Variants in RPS6KC1 observed in about 807,000 individuals in gnomAD.
RPS6KC1 encodes the protein inactive ribosomal protein S6 kinase delta-1.
A neutral mutation model predicts 103.8 loss-of-function variants in RPS6KC1; 54 were observed. The ratio of observed to expected loss-of-function variants is 0.52; its 90% CI spans 0.42 to 0.65. The LOEUF is 0.65. Ranked by LOEUF, RPS6KC1 falls within the 30% of genes least tolerant of loss-of-function variation. The pLI, the probability that RPS6KC1 is intolerant of heterozygous loss-of-function variation, is 0.00. For missense variants in RPS6KC1, 1,151 were observed against 1,253.8 expected (o/e 0.92, Z 1.24); for synonymous variants, 439 against 438.7 (o/e 1.00, Z -0.01).
intron 3 of RPS6KC1, 28 bp from the exon 4 acceptor site, chr1:213,104,426 T>TTAC (rs1301984828): frequency 3.6e-6 from 5 of 1,406,268 alleles, no homozygotes; most frequent in Non-Finnish European, 5.0e-6. Flanking sequence ...CATTCTTCCC[T>TTAC]TAAGTGTTGA....
the RPS6KC1 span, among the ~76,000 whole-genome samples, chr1:213,541,321 A>G: frequency 6.6e-6 from 1 of 151,682 alleles, no homozygotes; most frequent in South Asian, 2.1e-4. Context: ...ACAGATCACC[A>G]TAACAGATTT....
chr1:213,789,507 G>GTCCC, the RPS6KC1 span, among the ~76,000 whole-genome samples: 1 of 152,288 alleles, frequency 6.6e-6, no homozygotes, highest in African/African-American at 2.4e-5. Flanking sequence ...CAGGTGATCT[G>GTCCC]TCCTGACACG....
chr1:213,434,440 T>G, the RPS6KC1 span, among the ~76,000 whole-genome samples: 1 of 152,090 alleles, frequency 6.6e-6, no homozygotes, highest in Non-Finnish European at 1.5e-5. Context: ...ATTATTATCT[T>G]TGTTTCTCTT....
At chr1:213,508,501 A>C in the RPS6KC1 span, among the ~76,000 whole-genome samples, 1 of 151,998 alleles carries the variant, frequency 6.6e-6, no homozygotes, top group African/African-American at 2.4e-5. Context: ...GTTGCTTTTG[A>C]AAGTTCTCTG....
At chr1:213,127,336 A>G (rs1207015738) in intron 5 of RPS6KC1, among the ~76,000 whole-genome samples, 1 of 152,212 alleles carries the variant, frequency 6.6e-6, no homozygotes, top group Non-Finnish European at 1.5e-5. Flanking sequence ...GCACATACTT[A>G]TAAAACCAAT....
the RPS6KC1 span, among the ~76,000 whole-genome samples, chr1:213,851,915 C>T: frequency 6.6e-6 from 1 of 152,202 alleles, no homozygotes; most frequent in Non-Finnish European, 1.5e-5. Context: ...TCTTCTCTCT[C>T]CCACAGTCCC....
At chr1:213,745,477 A>G in the RPS6KC1 span, among the ~76,000 whole-genome samples, 43 of 151,630 alleles carry the variant, frequency 2.8e-4, no homozygotes, top group South Asian at 2.9e-3. Flanking sequence ...CAGCTCCTGG[A>G]GTCCCAACTC....
At chr1:213,482,540 GT>G in the RPS6KC1 span, among the ~76,000 whole-genome samples, 88 of 61,192 alleles carry the variant, frequency 1.4e-3, no homozygotes, top group African/African-American at 3.6e-3. Context: ...CTAACTTGAG[GT>G]TTTTTTTTTT....
At chr1:213,279,871 G>T in the RPS6KC1 span, among the ~76,000 whole-genome samples, 2,376 of 152,306 alleles carry the variant, frequency 0.016, 73 homozygotes, top group African/African-American at 0.054. Context: ...AAATGCAAAT[G>T]CTTGTCCTCA....
At chr1:213,454,961 T>G in the RPS6KC1 span, among the ~76,000 whole-genome samples, 1 of 152,200 alleles carries the variant, frequency 6.6e-6, no homozygotes, top group African/African-American at 2.4e-5. Context: ...ACTTGTTTGA[T>G]CTACTTTAGC....
chr1:213,569,023 C>T, the RPS6KC1 span, among the ~76,000 whole-genome samples: 1 of 152,332 alleles, frequency 6.6e-6, no homozygotes, highest in Non-Finnish European at 1.5e-5. Flanking sequence ...CCTCGACCAG[C>T]ACCTAACTCC....
chr1:213,572,470 T>A, the RPS6KC1 span, among the ~76,000 whole-genome samples: 1 of 152,230 alleles, frequency 6.6e-6, no homozygotes, highest in African/African-American at 2.4e-5. Flanking sequence ...TCCTTCTGAT[T>A]TTCTCTGGTT....
chr1:213,762,864 G>A, the RPS6KC1 span, among the ~76,000 whole-genome samples: 1,563 of 140,744 alleles, frequency 0.011, 18 homozygotes, highest in Non-Finnish European at 0.015. Context: ...ATTTTTTTAC[G>A]TTTTTTTTTT....
the RPS6KC1 span, among the ~76,000 whole-genome samples, chr1:213,811,309 C>T: frequency 2.0e-5 from 3 of 152,174 alleles, no homozygotes; most frequent in Non-Finnish European, 4.4e-5. Context: ...TGGCGGGGCT[C>T]GCAACCTCCG....
intron 12 of RPS6KC1, among the ~76,000 whole-genome samples, chr1:213,248,006 A>C (rs1467351089): frequency 6.6e-6 from 1 of 152,182 alleles, no homozygotes; most frequent in Non-Finnish European, 1.5e-5. Context: ...TTGGGGTGAA[A>C]GTTGAATGTC....
At chr1:213,482,251 CCT>C in the RPS6KC1 span, among the ~76,000 whole-genome samples, 1 of 151,986 alleles carries the variant, frequency 6.6e-6, no homozygotes, top group South Asian at 2.1e-4. Context: ...ATTTATTTTT[CCT>C]CTCTTTTGAT....
the RPS6KC1 span, among the ~76,000 whole-genome samples, chr1:213,400,044 C>T: frequency 1.3e-5 from 2 of 152,152 alleles, no homozygotes; most frequent in Non-Finnish European, 1.5e-5. Context: ...TCAGCAGGCT[C>T]AGCTGAGAAA....
At chr1:213,075,196 C>T (rs2079218745) in intron 2 of RPS6KC1, among the ~76,000 whole-genome samples, 1 of 152,042 alleles carries the variant, frequency 6.6e-6, no homozygotes, top group African/African-American at 2.4e-5. Context: ...CCATGAGCTA[C>T]AGTCTTTTGA....
intron 1 of RPS6KC1, among the ~76,000 whole-genome samples, chr1:213,069,180 A>G (rs2078641667): frequency 6.6e-6 from 1 of 152,208 alleles, no homozygotes; most frequent in Non-Finnish European, 1.5e-5. Context: ...TGTGTTGAAC[A>G]CTGCAAATAG....
Sources: allele counts gnomAD v4.1 joint callset (sites outside exome capture counted in the v4.1 genomes callset), GRCh38; gene constraint gnomAD v4.1.1; transcripts MANE v1.5; gene names NCBI Gene and HGNC (gene_info 2026-07-23, HGNC 2026-07-21).